MGA: variants seen among roughly 807,000 people sequenced by gnomAD.
MGA encodes the protein MAX dimerization protein MGA, also known as MAX gene-associated protein.
In MGA, 40 loss-of-function variants were observed where a neutral mutation model predicts 261.1. That is an observed-to-expected ratio of 0.15 (90% CI 0.12 to 0.20). The LOEUF is 0.20. Among genes scored for constraint, MGA ranks in the 10% least tolerant of loss-of-function variants. MGA has a pLI of 1.00. For missense variants in MGA, 3,397 were observed against 3,630.5 expected, an observed-to-expected ratio of 0.94 and a Z score of 1.65; for synonymous variants, 1,302 against 1,290.6, an observed-to-expected ratio of 1.01 and a Z score of -0.19.
At chr15:41,739,794 A>T in intron 13 of MGA, 112 bp from the exon 14 acceptor site, 2 of 1,075,770 alleles carry the variant, frequency 1.9e-6, no homozygotes, top group Non-Finnish European at 1.3e-6. Context: ...TTTCCCTTTT[A>T]AATCTGAAAA....
chr15:41,743,262 A>G, intron 15 of MGA, 90 bp downstream of exon 15: 1 of 1,378,940 alleles, frequency 7.3e-7, no homozygotes, highest in Non-Finnish European at 9.7e-7. Context: ...ATATATCAGG[A>G]TAACAGTATA....
At chr15:41,747,482 C>A (rs1352988309) in intron 15 of MGA, among the ~76,000 whole-genome samples, 2 of 151,772 alleles carry the variant, frequency 1.3e-5, no homozygotes, top group Non-Finnish European at 2.9e-5. Flanking sequence ...ATAATCCCAA[C>A]ATTTTAGGAG....
At chr15:41,733,843 T>C (rs1455989566) in intron 11 of MGA, among the ~76,000 whole-genome samples, 2 of 152,132 alleles carry the variant, frequency 1.3e-5, no homozygotes, top group East Asian at 3.8e-4. Context: ...CTGGAGTAAT[T>C]TTAAAAATTC....
chr15:41,659,385 C>T (rs573695922), upstream of MGA, among the ~76,000 whole-genome samples: 101 of 152,300 alleles, frequency 6.6e-4, 1 homozygote, highest in African/African-American at 2.4e-3. Context: ...TAGCATGTCA[C>T]GTAGTAGGTT....
chr15:41,663,217 T>C (rs545090295), intron 1 of MGA, among the ~76,000 whole-genome samples: 1 of 152,342 alleles, frequency 6.6e-6, no homozygotes, highest in South Asian at 2.1e-4. Flanking sequence ...TGTGTGTATA[T>C]GTCTTCTGGT....
At position 41,757,852 on chromosome 15, in the gene MGA, T is replaced by C. The variant is rs753944084; in HGVS notation, c.7191+13T>C. ...AAGGAGTCGAAAGGTATTTAGGATA[T>C]ATTTAGTGATAATTACTCATTGAAT... is the stretch of plus-strand genomic sequence containing the variant. On this transcript the variant is annotated intron_variant, in intron 19 of 23. Transcript: ENST00000219905. 4 of 1,585,096 alleles carry C rather than the reference T, an allele frequency of 2.5e-6. No homozygotes were observed. In the South Asian group the frequency reaches 3.3e-5, roughly 13 times the overall value.
At chr15:41,654,760 C>T (rs2057130591) in intron 1 of MGA, among the ~76,000 whole-genome samples, 1 of 152,124 alleles carries the variant, frequency 6.6e-6, no homozygotes, top group Non-Finnish European at 1.5e-5. Context: ...GCATTCCTTC[C>T]ACCTCCTCCT....
At position 41,735,076 on chromosome 15, in the gene MGA, C is replaced by T. The variant is rs368533183; in HGVS notation, c.3916+482C>T. 2.0e-5 allele frequency among the ~76,000 whole-genome samples: 3 copies of T among 152,270 alleles called. No individual in the cohort carries two copies. In the East Asian group the frequency reaches 5.8e-4, roughly 29 times the overall value. On this transcript the variant is annotated intron_variant, in intron 12 of 23. Transcript: ENST00000219905. ...TGGTTATGCTTCCCGAGACTTCTGA[C>T]ACTTAAGCAGCAGGGCTTCCTAACT...
At position 41,754,561 on chromosome 15, in the gene MGA, A is replaced by G. The variant is rs1269933195; in HGVS notation, c.7133A>G (p.Lys2378Arg). ...ACAGCGGCCCACACACAGTCATTCA[A>G]ACAGCCGTAAGTCTTATTTCTCTTT... is the stretch of plus-strand genomic sequence containing the variant. The change falls in exon 18 of 24, where the codon AAA becomes AGA. Residue 2378 changes from lysine to arginine, a missense_variant. Around this residue, in one of 9 missense-constraint regions of MGA, gnomAD observed 1,410 missense variants for 1,386.4 expected, o/e 1.02. Transcript: ENST00000219905. 5.1e-6 allele frequency: 8 copies of G among 1,575,466 alleles called. No individual in the cohort carries two copies. Among genetic ancestry groups the G allele is most frequent in the Non-Finnish European group, 6.0e-6 (7 of 1,162,622 alleles).
intron 2 of MGA, among the ~76,000 whole-genome samples, chr15:41,679,757 A>G (rs927058039): frequency 1.3e-5 from 2 of 151,716 alleles, no homozygotes; most frequent in Non-Finnish European, 2.9e-5. Flanking sequence ...TTTTGTGTGT[A>G]TATGTGGGTT....
upstream of MGA, among the ~76,000 whole-genome samples, chr15:41,658,644 A>C (rs2057259559): frequency 6.7e-6 from 1 of 149,632 alleles, no homozygotes. Flanking sequence ...ACTTTGAAAA[A>C]CTATGGATAG....
At chr15:41,690,935 C>T (rs148125530) in intron 2 of MGA, among the ~76,000 whole-genome samples, 2 of 151,232 alleles carry the variant, frequency 1.3e-5, no homozygotes, top group South Asian at 2.1e-4. Context: ...TTGTACTAAG[C>T]TGAAACCTGG....
chr15:41,668,167 T>G (rs2150936257), intron 1 of MGA, among the ~76,000 whole-genome samples: 1 of 152,124 alleles, frequency 6.6e-6, no homozygotes, highest in Non-Finnish European at 1.5e-5. Flanking sequence ...ATTTTGTGTC[T>G]TATCAAAAAA....
chr15:41,681,251 T>C (rs1021341122), intron 2 of MGA, among the ~76,000 whole-genome samples: 3 of 152,232 alleles, frequency 2.0e-5, no homozygotes, highest in African/African-American at 7.2e-5. Flanking sequence ...CCATTTTAGC[T>C]ATTTCTTGTG....
At chr15:41,638,688 CTTTTTTTTTT>C (rs761492514) in intron 1 of MGA, among the ~76,000 whole-genome samples, 2 of 115,654 alleles carry the variant, frequency 1.7e-5, no homozygotes, top group Admixed American at 8.7e-5. Context: ...TTTTCTTTTT[CTTTTTTTTTT>C]TTTTTTTTTT....
chr15:41,761,762 A>C lies in MGA; in HGVS notation c.7422A>C (p.Leu2474=). 1 of 1,596,048 alleles carries C rather than the reference A, an allele frequency of 6.3e-7. No homozygotes were observed. The highest frequency in any genetic ancestry group is 8.5e-7 in the Non-Finnish European group (1 of 1,170,256). The change falls in exon 21 of 24, where the codon CTA becomes CTC. Residue 2474 remains leucine, a synonymous_variant. Coordinates refer to ENST00000219905, the MANE Select transcript of MGA (RefSeq NM_001164273.2). ...AGGCCTTCAGTGAAATTCAGGGACT[A>C]ACAGATCAGGCAGACAAATTGATAG...
At chr15:41,722,012 C>T (rs2060966082) in intron 9 of MGA, among the ~76,000 whole-genome samples, 1 of 151,724 alleles carries the variant, frequency 6.6e-6, no homozygotes, top group Non-Finnish European at 1.5e-5. Flanking sequence ...TGAATTACAA[C>T]TGTGTGTTTC....
At chr15:41,717,140 T>C (rs2060683095) in intron 9 of MGA, among the ~76,000 whole-genome samples, 1 of 116,652 alleles carries the variant, frequency 8.6e-6, no homozygotes, top group Non-Finnish European at 1.8e-5. Context: ...GTCCTCATGC[T>C]TTTTCTGCCT....
intron 1 of MGA, among the ~76,000 whole-genome samples, chr15:41,647,518 C>G (rs754525712): frequency 4.6e-5 from 7 of 152,122 alleles, no homozygotes; most frequent in Non-Finnish European, 8.8e-5. Flanking sequence ...CTGCCACTTC[C>G]TTGTTCTTTA....
Sources: allele counts gnomAD v4.1 joint callset (sites outside exome capture counted in the v4.1 genomes callset), GRCh38; gene constraint gnomAD v4.1.1; regional missense constraint gnomAD v4.1.1; transcripts MANE v1.5; gene names NCBI Gene and HGNC (gene_info 2026-07-23, HGNC 2026-07-21).